Variants in NRXN2 observed in about 807,000 individuals in gnomAD.
NRXN2 encodes neurexin 2, also known as neurexin-2-beta.
Under a neutral mutation model 128.8 loss-of-function variants are expected in NRXN2, and 29 were observed. The observed-to-expected ratio is 0.23, with a 90% CI of 0.17 to 0.31. NRXN2 has a LOEUF of 0.31. Ranked by LOEUF, NRXN2 falls within the 10% of genes least tolerant of loss-of-function variation. The pLI is 1.00. For synonymous variants in NRXN2, 1,098 were observed against 1,075.2 expected (o/e 1.02, Z -0.41); for missense variants, 1,881 against 2,452.6 (o/e 0.77, Z 4.92).
rs1026393106 is a variant in NRXN2 at position 64,620,482 on chromosome 11, C to T, written c.4174-110G>A. On this transcript the variant is annotated intron_variant, in intron 21 of 22. Coordinates refer to ENST00000265459, the MANE Select transcript of NRXN2 (RefSeq NM_015080.4). ...CACGGGGGATGCCCCTGGGCTGAGA[C>T]GGACCAGACTGGTCTGAGTCCCAGC... 3.6e-5 allele frequency: 30 copies of T among 837,084 alleles called. 1 individual carries two copies. The highest frequency in any genetic ancestry group is 2.0e-4 in the South Asian group (14 of 69,582). The allele number at this position is 837,084 out of a possible 1,614,324, so 51.9% of individuals were successfully genotyped here.
chr11:64,625,359 A>G (rs1424844678), intron 20 of NRXN2, among the ~76,000 whole-genome samples: 1 of 152,176 alleles, frequency 6.6e-6, no homozygotes, highest in Non-Finnish European at 1.5e-5. Context: ...GAACTCCTCA[A>G]AGGGTTAAAG....
At position 64,653,816 on chromosome 11, in the gene NRXN2, T is replaced by A. The variant is rs2047856932; in HGVS notation, c.2390-94A>T. On this transcript the variant is annotated intron_variant, in intron 11 of 22. Coordinates refer to ENST00000265459, the MANE Select transcript of NRXN2 (RefSeq NM_015080.4). ...TACATCCTTCACAGGGAGGGGTGTC[T>A]GCGGGCGGGGTTCCCCCCAGGGCCA... 7 of 952,696 alleles carry A rather than the reference T, an allele frequency of 7.3e-6. No individual in the cohort carries two copies. In the South Asian group the frequency reaches 1.1e-4, roughly 15 times the overall value. 59.0% of individuals were successfully genotyped at this position (952,696 alleles called of 1,614,324 possible).
intron 2 of NRXN2, among the ~76,000 whole-genome samples, chr11:64,704,796 G>A (rs1358187093): frequency 6.6e-6 from 1 of 152,160 alleles, no homozygotes; most frequent in African/African-American, 2.4e-5. Flanking sequence ...CTCAGTGAAA[G>A]AACCACTGCA....
Position 64,686,921 on chromosome 11 carries a change from C to T in NRXN2, c.851-974G>A, listed in dbSNP as rs1347312310. On this transcript the variant is annotated intron_variant, in intron 5 of 22. Transcript: ENST00000265459. ...TGTAAGTTGGTAACAAGTGAGAAGA[C>T]AATGACTCAGTAGTACCAAGAAGTT... 4.6e-5 allele frequency among the ~76,000 whole-genome samples: 7 copies of T among 152,200 alleles called. No homozygotes were observed. In the East Asian group the frequency reaches 1.2e-3, roughly 25 times the overall value.
Position 64,635,388 on chromosome 11 carries a change from G to A in NRXN2, c.3468C>T (p.Asp1156=). The part of the protein sequence containing the change: ...ALITYTWPPN[D]RPSTRMDRLA... ...GGCGATCCATCCTCGTGCTGGGCCTGTCATTGGGGGGCCACGTGTAGGTGA... is the reference window on the plus strand; with the variant it reads ...GGCGATCCATCCTCGTGCTGGGCCTATCATTGGGGGGCCACGTGTAGGTGA... Residue 1156 remains aspartate, a synonymous_variant, in exon 18 of 23, where the codon GAC becomes GAT. Transcript: ENST00000265459. The surrounding 1 kb of genome is among the most constrained non-coding windows in gnomAD (Gnocchi z 4.8). 1.9e-6 allele frequency: 3 copies of A among 1,613,830 alleles called. No homozygotes were observed. Among genetic ancestry groups the A allele is most frequent in the Non-Finnish European group, 2.5e-6 (3 of 1,180,014 alleles).
Position 64,635,163 on chromosome 11 carries a change from G to A in NRXN2, c.3585+108C>T, listed in dbSNP as rs938374316. On this transcript the variant is annotated intron_variant, in intron 18 of 22. Transcript: ENST00000265459. This position sits in a 1 kb window ranked among gnomAD's most constrained non-coding sequence, Gnocchi z 4.8. ...CAATGAGGGAACAGAGGTTCTGAGG[G>A]TTCCCCATGAGGGAAGACTTGAGGT... 7.8e-7 allele frequency: 1 copy of A among 1,278,218 alleles called. No individual in the cohort carries two copies. The highest frequency in any genetic ancestry group is 2.7e-4 in the Middle Eastern group (1 of 3,750). The allele number at this position is 1,278,218 out of a possible 1,614,324, so 79.2% of individuals were successfully genotyped here. A position where few individuals can be genotyped will look rare whatever the true frequency, so the allele number is the denominator to read the frequency against.
At chr11:64,657,160 G>T (rs1407506609) in intron 11 of NRXN2, among the ~76,000 whole-genome samples, 1 of 152,222 alleles carries the variant, frequency 6.6e-6, no homozygotes, top group Admixed American at 6.5e-5. Flanking sequence ...GTCCAGCCCA[G>T]GCCTGGGGCC....
intron 8 of NRXN2, 61 bp downstream of exon 8, chr11:64,668,382 G>T: frequency 1.3e-6 from 2 of 1,599,276 alleles, no homozygotes; most frequent in Non-Finnish European, 1.7e-6. Flanking sequence ...ACTAAGTCAC[G>T]CTGAAGACAG....
intron 6 of NRXN2, among the ~76,000 whole-genome samples, chr11:64,677,932 TA>T (rs1249536458): frequency 6.6e-6 from 1 of 152,060 alleles, no homozygotes; most frequent in Non-Finnish European, 1.5e-5. Context: ...GCATAACCCC[TA>T]GAGAATCAAA....
At chr11:64,629,862 G>A (rs544095026) in intron 19 of NRXN2, among the ~76,000 whole-genome samples, 1 of 152,164 alleles carries the variant, frequency 6.6e-6, no homozygotes, top group East Asian at 1.9e-4. Flanking sequence ...CTGAGTCTCC[G>A]TGGCTACTCC....
At chr11:64,716,045 CA>C (rs1404197847) in intron 1 of NRXN2, among the ~76,000 whole-genome samples, 1 of 152,118 alleles carries the variant, frequency 6.6e-6, no homozygotes, top group African/African-American at 2.4e-5. Context: ...AGACCCTCAG[CA>C]AAGGGACAAC....
At chr11:64,680,975 T>C (rs1487238677) in intron 6 of NRXN2, among the ~76,000 whole-genome samples, 4 of 151,610 alleles carry the variant, frequency 2.6e-5, no homozygotes, top group Admixed American at 1.3e-4. Flanking sequence ...CAGGAACCTG[T>C]AATCCCAGCT....
At chr11:64,707,443 C>T (rs1005324028) in intron 2 of NRXN2, among the ~76,000 whole-genome samples, 3 of 151,732 alleles carry the variant, frequency 2.0e-5, no homozygotes, top group Non-Finnish European at 4.4e-5. Context: ...ATGTCATGGG[C>T]CTAGGGAGTA....
chr11:64,711,545 CACTTCA>C (rs900607777), intron 2 of NRXN2, among the ~76,000 whole-genome samples: 2 of 152,078 alleles, frequency 1.3e-5, no homozygotes, highest in African/African-American at 4.8e-5. Context: ...GACCCGCCCG[CACTTCA>C]CCACTTCACG....
chr11:64,689,055 G>C (rs2053478647), intron 5 of NRXN2, among the ~76,000 whole-genome samples: 1 of 152,064 alleles, frequency 6.6e-6, no homozygotes, highest in Non-Finnish European at 1.5e-5. Flanking sequence ...CTAAGTCCCA[G>C]CTTCCCCGTC....
intron 20 of NRXN2, among the ~76,000 whole-genome samples, chr11:64,625,446 C>T (rs539971620): frequency 6.6e-6 from 1 of 152,332 alleles, no homozygotes; most frequent in African/African-American, 2.4e-5. Flanking sequence ...GTCCCTTTAA[C>T]TTTTTGTCCT....
intron 3 of NRXN2, 24 bp from the exon 4 acceptor site, chr11:64,692,900 G>T (rs1256015377): frequency 6.3e-7 from 1 of 1,580,320 alleles, no homozygotes; most frequent in Non-Finnish European, 8.7e-7. Flanking sequence ...AGGAGAGAAA[G>T]AAAGAAAGAA....
At chr11:64,672,472 G>A (rs1347130505) in intron 7 of NRXN2, among the ~76,000 whole-genome samples, 1 of 152,180 alleles carries the variant, frequency 6.6e-6, no homozygotes, top group African/African-American at 2.4e-5. Context: ...CTTAATCTGG[G>A]GAGAACAAGA....
intron 22 of NRXN2, 31 bp downstream of exon 22, chr11:64,620,263 C>T: frequency 6.6e-7 from 1 of 1,526,542 alleles, no homozygotes; most frequent in East Asian, 2.5e-5. Flanking sequence ...GCAGAGGGAC[C>T]CGGGGCAGGG....
Sources: allele counts gnomAD v4.1 joint callset (sites outside exome capture counted in the v4.1 genomes callset), GRCh38; gene constraint gnomAD v4.1.1; non-coding constraint Gnocchi (gnomAD v3.1); transcripts MANE v1.5; gene names NCBI Gene and HGNC (gene_info 2026-07-23, HGNC 2026-07-21).